The following FRMD5 variants were observed in gnomAD, a reference collection of about 807,000 sequenced individuals.
FRMD5 encodes the protein FERM domain containing 5, also known as FERM domain-containing protein 5.
In FRMD5, 20 loss-of-function variants were observed where a neutral mutation model predicts 69.0. The observed-to-expected ratio is 0.29, with a 90% CI of 0.20 to 0.42. The LOEUF is 0.42. Among genes scored for constraint, FRMD5 ranks in the 10% least tolerant of loss-of-function variants. The probability of loss-of-function intolerance (pLI) is 1.00; values close to 1 mark genes in which losing one functional copy is unlikely to be tolerated. For synonymous variants in FRMD5, 271 were observed against 260.1 expected, an observed-to-expected ratio of 1.04 and a Z score of -0.40; for missense variants, 595 against 708.6, an observed-to-expected ratio of 0.84 and a Z score of 1.82.
chr15:43,870,989 A>T lies in FRMD5; in HGVS notation c.*2896T>A, dbSNP rs1366494824. 3 of 152,236 alleles carry T rather than the reference A, an allele frequency of 2.0e-5. No individual in the cohort carries two copies. The highest frequency in any genetic ancestry group is 7.2e-5 in the African/African-American group (3 of 41,470). The allele number at this position is 152,236 out of a possible 1,614,324, so 9.4% of individuals were successfully genotyped here. ...CTACTGCTTAAAGATGCAGTATGCT[A>T]TTCTTTAGTAAGAGTTTTATTTCCT... is the stretch of plus-strand genomic sequence containing the variant. On this transcript the variant is annotated 3_prime_UTR_variant, in exon 14 of 14. Coordinates refer to ENST00000417257, the MANE Select transcript of FRMD5 (RefSeq NM_032892.5).
At chr15:44,088,206 G>C (rs542734957) in intron 1 of FRMD5, among the ~76,000 whole-genome samples, 63 of 152,212 alleles carry the variant, frequency 4.1e-4, no homozygotes, top group African/African-American at 1.4e-3. Flanking sequence ...ATGGTTTTTA[G>C]TGTATTCACA....
At chr15:43,967,407 A>G (rs556939261) in intron 1 of FRMD5, among the ~76,000 whole-genome samples, 1 of 152,010 alleles carries the variant, frequency 6.6e-6, no homozygotes, top group South Asian at 2.1e-4. Flanking sequence ...TAATTTTTGT[A>G]TTTTTAGTAG....
rs534812356 is a variant in FRMD5 at position 44,024,001 on chromosome 15, T to C, written c.103-99692A>G. 5.9e-5 allele frequency among the ~76,000 whole-genome samples: 9 copies of C among 152,268 alleles called. No homozygotes were observed. The East Asian group carries it at 1.7e-3, about 29-fold the overall frequency. ...AAGGATATGAAGTATATGTAGCACCTAGCAATAAATAAGCACTCAGTAAAT... is the reference window on the plus strand; with the variant it reads ...AAGGATATGAAGTATATGTAGCACCCAGCAATAAATAAGCACTCAGTAAAT... On this transcript the variant is annotated intron_variant, in intron 1 of 13. Coordinates refer to ENST00000417257, the MANE Select transcript of FRMD5 (RefSeq NM_032892.5).
intron 1 of FRMD5, among the ~76,000 whole-genome samples, chr15:44,000,723 G>A (rs1890173798): frequency 6.6e-6 from 1 of 152,184 alleles, no homozygotes; most frequent in Non-Finnish European, 1.5e-5. Flanking sequence ...GCCTCCCAAA[G>A]TGCTGGGATT....
chr15:43,976,197 A>G (rs891799357), intron 1 of FRMD5, among the ~76,000 whole-genome samples: 1 of 152,120 alleles, frequency 6.6e-6, no homozygotes, highest in Non-Finnish European at 1.5e-5. Context: ...AACATTTGTA[A>G]CCTTGGATTA....
chr15:44,156,472 G>T (rs1306293616), intron 1 of FRMD5, among the ~76,000 whole-genome samples: 2 of 152,160 alleles, frequency 1.3e-5, no homozygotes, highest in African/African-American at 4.8e-5. Flanking sequence ...TATAAATAGA[G>T]GCCAAAGATT....
At chr15:43,992,438 G>A (rs563660701) in intron 1 of FRMD5, among the ~76,000 whole-genome samples, 15 of 151,760 alleles carry the variant, frequency 9.9e-5, no homozygotes, top group African/African-American at 3.4e-4. Context: ...GAGAGCCGTG[G>A]TGCGATATCA....
At chr15:43,892,335 G>A (rs144388443) in intron 7 of FRMD5, among the ~76,000 whole-genome samples, 34 of 152,328 alleles carry the variant, frequency 2.2e-4, no homozygotes, top group African/African-American at 7.7e-4. Context: ...GAAGGTTGCT[G>A]TGAACATCCA....
chr15:43,951,961 ATG>A (rs141804253), intron 1 of FRMD5, among the ~76,000 whole-genome samples: 25 of 111,374 alleles, frequency 2.2e-4, no homozygotes, highest in South Asian at 5.3e-4. Flanking sequence ...CTGTATGTGC[ATG>A]TGTGTGTGTG....
chr15:44,160,596 G>A (rs2077601318), intron 1 of FRMD5, among the ~76,000 whole-genome samples: 1 of 152,172 alleles, frequency 6.6e-6, no homozygotes, highest in Admixed American at 6.5e-5. Context: ...GCATCTTCCT[G>A]TATTATAACA....
At chr15:44,008,242 C>A (rs925660092) in intron 1 of FRMD5, among the ~76,000 whole-genome samples, 1 of 149,948 alleles carries the variant, frequency 6.7e-6, no homozygotes, top group Non-Finnish European at 1.5e-5. Flanking sequence ...TTTCTAGAAG[C>A]CTTTATTTCA....
chr15:44,095,910 A>G (rs2076544675), intron 1 of FRMD5, among the ~76,000 whole-genome samples: 1 of 152,116 alleles, frequency 6.6e-6, no homozygotes, highest in South Asian at 2.1e-4. Flanking sequence ...TACTCTTACT[A>G]CATAAGAGTA....
intron 1 of FRMD5, among the ~76,000 whole-genome samples, chr15:43,927,470 C>T (rs930903879): frequency 1.3e-5 from 2 of 152,210 alleles, no homozygotes; most frequent in African/African-American, 4.8e-5. Flanking sequence ...CAAAGGACTC[C>T]GTCAGAACTT....
At chr15:44,107,781 G>A (rs894746792) in intron 1 of FRMD5, among the ~76,000 whole-genome samples, 4 of 152,186 alleles carry the variant, frequency 2.6e-5, no homozygotes, top group Admixed American at 6.5e-5. Flanking sequence ...GCCAGGATTG[G>A]AAAGTAATTT....
intron 1 of FRMD5, among the ~76,000 whole-genome samples, chr15:43,995,675 G>A (rs1042869838): frequency 1.5e-4 from 23 of 151,728 alleles, no homozygotes; most frequent in African/African-American, 4.8e-4. Context: ...GCTTGGATCT[G>A]TAGGGGCTGG....
intron 1 of FRMD5, among the ~76,000 whole-genome samples, chr15:44,181,664 T>G (rs1427961992): frequency 6.6e-6 from 1 of 152,218 alleles, no homozygotes; most frequent in South Asian, 2.1e-4. Flanking sequence ...CACTTTGGGA[T>G]GTTGACGTGG....
At chr15:43,985,618 A>T (rs531451833) in intron 1 of FRMD5, among the ~76,000 whole-genome samples, 16 of 152,302 alleles carry the variant, frequency 1.1e-4, no homozygotes, top group African/African-American at 3.8e-4. Context: ...GGACCATATG[A>T]CCAAAGGATA....
intron 1 of FRMD5, among the ~76,000 whole-genome samples, chr15:43,932,672 C>G (rs2089695105): frequency 6.6e-6 from 1 of 152,368 alleles, no homozygotes; most frequent in Non-Finnish European, 1.5e-5. Flanking sequence ...GCGTCCTGAT[C>G]TCTCTCAAAA....
At chr15:44,117,723 A>G (rs2076889320) in intron 1 of FRMD5, among the ~76,000 whole-genome samples, 1 of 152,252 alleles carries the variant, frequency 6.6e-6, no homozygotes, top group African/African-American at 2.4e-5. Context: ...TATGAAGGCT[A>G]AGGCCTTAGA....
Sources: gnomAD v4.1 joint callset for allele counts (sites outside exome capture counted in the v4.1 genomes callset) on GRCh38, gnomAD v4.1.1 for gene constraint, MANE v1.5 for transcripts, NCBI Gene and HGNC (gene_info 2026-07-23, HGNC 2026-07-21) for gene names.